PDLIM5: variants seen among roughly 807,000 people sequenced by gnomAD.
PDLIM5 encodes the protein PDZ and LIM domain protein 5.
A neutral mutation model predicts 64.2 loss-of-function variants in PDLIM5; 34 were observed. The ratio of observed to expected loss-of-function variants is 0.53; its 90% CI spans 0.40 to 0.71. PDLIM5 has a LOEUF of 0.71. PDLIM5 is among the 30% of genes least tolerant of loss of function. The probability of loss-of-function intolerance (pLI) is 0.00; values close to 1 mark genes in which losing one functional copy is unlikely to be tolerated. For synonymous variants in PDLIM5, 253 were observed against 269.1 expected (o/e 0.94, Z 0.59); for missense variants, 683 against 733.6 (o/e 0.93, Z 0.80).
chr4:94,634,077 G>A (rs1740367234), intron 8 of PDLIM5, among the ~76,000 whole-genome samples: 1 of 152,148 alleles, frequency 6.6e-6, no homozygotes, highest in Non-Finnish European at 1.5e-5. Context: ...CAGAGAGATA[G>A]CAGGGGTCAG....
intron 7 of PDLIM5, among the ~76,000 whole-genome samples, chr4:94,606,608 C>T (rs13135257): frequency 0.4 from 60,623 of 152,104 alleles, 13,078 homozygotes; most frequent in South Asian, 0.67. Flanking sequence ...CCAAGATCAC[C>T]TAGAGCAGGG....
intron 10 of PDLIM5, among the ~76,000 whole-genome samples, chr4:94,655,599 G>C (rs948391335): frequency 6.6e-6 from 1 of 152,096 alleles, no homozygotes; most frequent in Non-Finnish European, 1.5e-5. Flanking sequence ...ATTGATTTGT[G>C]TAATATGTTG....
At chr4:94,467,121 G>A (rs968092310) in intron 2 of PDLIM5, among the ~76,000 whole-genome samples, 7 of 152,116 alleles carry the variant, frequency 4.6e-5, no homozygotes, top group Non-Finnish European at 1.0e-4. Context: ...GTTAGATCAT[G>A]AGCCTCTCTT....
intron 2 of PDLIM5, among the ~76,000 whole-genome samples, chr4:94,475,562 A>G (rs1017622575): frequency 6.6e-6 from 1 of 152,178 alleles, no homozygotes; most frequent in Non-Finnish European, 1.5e-5. Flanking sequence ...AAATGAAAAT[A>G]AAAATAAAAA....
chr4:94,463,575 C>T (rs1269741259), intron 2 of PDLIM5, among the ~76,000 whole-genome samples: 2 of 151,996 alleles, frequency 1.3e-5, no homozygotes, highest in Admixed American at 6.6e-5. Context: ...AAGGGTTGGT[C>T]TTGCTGTCTC....
At chr4:94,517,912 A>G (rs1028192929) in intron 2 of PDLIM5, among the ~76,000 whole-genome samples, 12 of 152,320 alleles carry the variant, frequency 7.9e-5, no homozygotes, top group Non-Finnish European at 1.3e-4. Context: ...TCTGACTATT[A>G]AAATGGTGTT....
chr4:94,622,985 TTAAAA>T lies in PDLIM5; in HGVS notation c.1108+4799_1108+4803del, dbSNP rs758091338. Among the ~76,000 whole-genome samples, 5 of 152,198 alleles carry T rather than the reference TTAAAA, an allele frequency of 3.3e-5. No individual in the cohort carries two copies. The East Asian group carries it at 5.8e-4, about 18-fold the overall frequency. On this transcript the variant is annotated intron_variant, in intron 8 of 12. Coordinates refer to ENST00000317968, the MANE Select transcript of PDLIM5 (RefSeq NM_006457.5). ...CGCCCGGCCTCCATTTCTTTAACTA[TTAAAA>T]TAAAGACCTTAAAAGCTTCTCCTAT...
chr4:94,520,159 G>A (rs1353044), intron 2 of PDLIM5, among the ~76,000 whole-genome samples: 35,913 of 152,032 alleles, frequency 0.24, 4,303 homozygotes, highest in East Asian at 0.28. Flanking sequence ...TTGCAACTGA[G>A]GTGAGACCAC....
chr4:94,551,348 T>C (rs1171870627), intron 3 of PDLIM5, among the ~76,000 whole-genome samples: 1 of 152,152 alleles, frequency 6.6e-6, no homozygotes, highest in Non-Finnish European at 1.5e-5. Context: ...GATTTAACTC[T>C]GTTTGCAAAG....
intron 2 of PDLIM5, among the ~76,000 whole-genome samples, chr4:94,507,117 G>T (rs532578084): frequency 6.6e-6 from 1 of 152,016 alleles, no homozygotes; most frequent in Non-Finnish European, 1.5e-5. Flanking sequence ...TTTGAACTCC[G>T]ACTGAGCCAC....
intron 10 of PDLIM5, among the ~76,000 whole-genome samples, chr4:94,655,274 C>A (rs912456061): frequency 2.0e-5 from 3 of 151,904 alleles, no homozygotes; most frequent in Non-Finnish European, 4.4e-5. Flanking sequence ...ACATGAATTT[C>A]TTGCTCTGGA....
In PDLIM5 at chr4:94,489,582, A is replaced by T. The variant is rs112099899; in HGVS notation, c.97-34142A>T. ...TATAAATATAAAAATATTTATCTAA[A>T]ACTTAAGGTTTAATGATATTTATAC... On this transcript the variant is annotated intron_variant, in intron 2 of 12. Coordinates refer to ENST00000317968, the MANE Select transcript of PDLIM5 (RefSeq NM_006457.5). Among the ~76,000 whole-genome samples the T allele has an allele frequency of 3.3e-3, 503 of 152,006 alleles. 1 individual carries two copies. The highest frequency in any genetic ancestry group is 0.011 in the African/African-American group (470 of 41,498).
At position 94,660,117 on chromosome 4, in the gene PDLIM5, A is replaced by G. The variant is rs562668252; in HGVS notation, c.1586-2305A>G. On this transcript the variant is annotated intron_variant, in intron 11 of 12. Coordinates refer to ENST00000317968, the MANE Select transcript of PDLIM5 (RefSeq NM_006457.5). ...TTCACCATGTTGGCCAGGGTAGTGT[A>G]GAACTCCTGACCTCAAGTGATCCAC... Among the ~76,000 whole-genome samples, 6 of 151,730 alleles carry G rather than the reference A, an allele frequency of 4.0e-5. No homozygotes were observed. In the South Asian group the frequency reaches 1.0e-3, roughly 26 times the overall value.
intron 2 of PDLIM5, chr4:94,456,017 G>A: frequency 2.1e-6 from 3 of 1,397,142 alleles, no homozygotes; most frequent in Non-Finnish European, 2.8e-6. Flanking sequence ...GATGATGATA[G>A]CACTGATGAG....
intron 2 of PDLIM5, among the ~76,000 whole-genome samples, chr4:94,512,663 A>G (rs896852016): frequency 6.7e-6 from 1 of 150,254 alleles, no homozygotes; most frequent in African/African-American, 2.5e-5. Context: ...GTAGTTTGCA[A>G]TTTTTTTCTC....
chr4:94,544,501 A>C (rs1265707909), intron 3 of PDLIM5, among the ~76,000 whole-genome samples: 1 of 152,138 alleles, frequency 6.6e-6, no homozygotes, highest in South Asian at 2.1e-4. Context: ...TTATTTTCCC[A>C]ATTTTATAGA....
intron 3 of PDLIM5, among the ~76,000 whole-genome samples, chr4:94,537,793 A>G (rs1224738403): frequency 6.6e-6 from 1 of 152,204 alleles, no homozygotes; most frequent in East Asian, 1.9e-4. Flanking sequence ...CACAACTTGT[A>G]AGTAAATAAG....
chr4:94,645,899 C>T (rs189773053), intron 9 of PDLIM5, among the ~76,000 whole-genome samples: 43 of 152,184 alleles, frequency 2.8e-4, no homozygotes, highest in Admixed American at 7.9e-4. Flanking sequence ...TACTTTTATT[C>T]GTAGTGTTTG....
intron 3 of PDLIM5, among the ~76,000 whole-genome samples, chr4:94,561,861 A>T (rs541498976): frequency 6.6e-6 from 1 of 152,164 alleles, no homozygotes; most frequent in South Asian, 2.1e-4. Context: ...ACAGGATGTT[A>T]TTGTTGGAAC....
Sources: allele counts gnomAD v4.1 joint callset (sites outside exome capture counted in the v4.1 genomes callset), GRCh38; gene constraint gnomAD v4.1.1; transcripts MANE v1.5; gene names NCBI Gene and HGNC (gene_info 2026-07-23, HGNC 2026-07-21).